CAMKMT: variants seen among roughly 807,000 people sequenced by gnomAD.
CAMKMT encodes the protein calmodulin-lysine N-methyltransferase.
Under a neutral mutation model 48.0 loss-of-function variants are expected in CAMKMT, and 53 were observed. The ratio of observed to expected loss-of-function variants is 1.10; its 90% confidence interval spans 0.89 to 1.39. CAMKMT has a LOEUF of 1.39. Among genes scored for constraint, CAMKMT ranks in the 40% most tolerant of loss-of-function variants. The pLI is 0.00. For missense variants in CAMKMT, 428 were observed against 402.7 expected (o/e 1.06, Z -0.54); for synonymous variants, 165 against 152.3 (o/e 1.08, Z -0.61).
intron 3 of CAMKMT, among the ~76,000 whole-genome samples, chr2:44,485,001 T>C (rs1669148984): frequency 6.6e-6 from 1 of 152,004 alleles, no homozygotes; most frequent in Non-Finnish European, 1.5e-5. Flanking sequence ...TAAATACAAA[T>C]TGAAACCAAA....
chr2:44,642,190 T>C (rs142703649), intron 3 of CAMKMT, among the ~76,000 whole-genome samples: 3 of 152,248 alleles, frequency 2.0e-5, no homozygotes, highest in Non-Finnish European at 4.4e-5. Flanking sequence ...TTTACCTTTG[T>C]TGGCTAAAAG....
chr2:44,725,985 C>G (rs993133814), intron 7 of CAMKMT, among the ~76,000 whole-genome samples: 4 of 152,164 alleles, frequency 2.6e-5, no homozygotes, highest in African/African-American at 9.7e-5. Flanking sequence ...TTTTTTAAAA[C>G]TGCCCCCCAC....
chr2:44,448,459 G>C (rs1410203618), intron 3 of CAMKMT, among the ~76,000 whole-genome samples: 1 of 152,128 alleles, frequency 6.6e-6, no homozygotes, highest in Non-Finnish European at 1.5e-5. Context: ...TGTACACCCA[G>C]GTATAAGATT....
At chr2:44,686,141 C>G (rs763378878) in intron 3 of CAMKMT, among the ~76,000 whole-genome samples, 1 of 152,148 alleles carries the variant, frequency 6.6e-6, no homozygotes, top group Non-Finnish European at 1.5e-5. Flanking sequence ...CGCCTGTAAT[C>G]CCAGCACTTT....
At chr2:44,385,249 A>G (rs981772200) in intron 2 of CAMKMT, among the ~76,000 whole-genome samples, 2 of 152,020 alleles carry the variant, frequency 1.3e-5, no homozygotes, top group African/African-American at 4.8e-5. Context: ...AGCTGTTGCA[A>G]AAAGGGTTGA....
intron 3 of CAMKMT, among the ~76,000 whole-genome samples, chr2:44,541,435 T>G (rs1667100963): frequency 6.6e-6 from 1 of 152,200 alleles, no homozygotes; most frequent in African/African-American, 2.4e-5. Context: ...TTTATCTATA[T>G]TTTATTATCT....
chr2:44,543,633 C>T (rs537076836), intron 3 of CAMKMT, among the ~76,000 whole-genome samples: 1 of 152,146 alleles, frequency 6.6e-6, no homozygotes, highest in Non-Finnish European at 1.5e-5. Flanking sequence ...CCCTATTTTT[C>T]TTATAAGCCA....
intron 10 of CAMKMT, among the ~76,000 whole-genome samples, chr2:44,768,001 C>T (rs955315495): frequency 1.6e-4 from 24 of 152,146 alleles, no homozygotes; most frequent in African/African-American, 5.8e-4. Context: ...TGATACCCTC[C>T]GTCTCCTCCC....
At chr2:44,708,723 C>T (rs1479477219) in intron 6 of CAMKMT, among the ~76,000 whole-genome samples, 1 of 151,962 alleles carries the variant, frequency 6.6e-6, no homozygotes, top group Admixed American at 6.6e-5. Context: ...TGCATGTATC[C>T]ATGTATCATT....
intron 1 of CAMKMT, among the ~76,000 whole-genome samples, chr2:44,366,245 A>G (rs564249343): frequency 1.4e-4 from 22 of 152,364 alleles, no homozygotes; most frequent in African/African-American, 5.0e-4. Flanking sequence ...TAAGTAGAAT[A>G]AAAAGGTTTG....
chr2:44,383,199 CTG>C (rs1680431899), intron 2 of CAMKMT, among the ~76,000 whole-genome samples: 1 of 151,922 alleles, frequency 6.6e-6, no homozygotes, highest in African/African-American at 2.4e-5. Context: ...GAATCTCGCT[CTG>C]TCACCCAGGC....
intron 3 of CAMKMT, among the ~76,000 whole-genome samples, chr2:44,506,927 CTA>C (rs753271244): frequency 3.3e-5 from 5 of 152,074 alleles, no homozygotes; most frequent in Non-Finnish European, 7.4e-5. Flanking sequence ...ATAAAAATGA[CTA>C]TGTGACGGAA....
chr2:44,363,142 A>C (rs1324977044), intron 1 of CAMKMT, among the ~76,000 whole-genome samples: 1 of 152,180 alleles, frequency 6.6e-6, no homozygotes, highest in African/African-American at 2.4e-5. Flanking sequence ...TTATGAGTTA[A>C]GTAGATCATC....
At chr2:44,490,985 A>G (rs1669471391) in intron 3 of CAMKMT, among the ~76,000 whole-genome samples, 1 of 152,046 alleles carries the variant, frequency 6.6e-6, no homozygotes, top group African/African-American at 2.4e-5. Flanking sequence ...CCTTGTCTCT[A>G]CAAAAAATAC....
intron 3 of CAMKMT, among the ~76,000 whole-genome samples, chr2:44,560,627 C>T (rs952292610): frequency 6.6e-6 from 1 of 152,180 alleles, no homozygotes; most frequent in Non-Finnish European, 1.5e-5. Context: ...AAAAAGCATG[C>T]TCTCATTTAT....
chr2:44,579,342 G>A lies in CAMKMT; in HGVS notation c.377-124941G>A, dbSNP rs148364063. Reference sequence around the variant, plus strand: ...CCAACATGGAAGCCCAGTAATTCATGCGCTGGTGTAATGGAGCAAATGAAA... The same window carrying A: ...CCAACATGGAAGCCCAGTAATTCATACGCTGGTGTAATGGAGCAAATGAAA... On this transcript the variant is annotated intron_variant, in intron 3 of 10. Coordinates refer to ENST00000378494, the MANE Select transcript of CAMKMT (RefSeq NM_024766.5). Among the ~76,000 whole-genome samples, 7 of 152,166 alleles carry A rather than the reference G, an allele frequency of 4.6e-5. No homozygotes were observed. In the East Asian group the frequency reaches 1.4e-3, roughly 29 times the overall value.
intron 3 of CAMKMT, among the ~76,000 whole-genome samples, chr2:44,698,015 A>C (rs146461714): frequency 6.6e-6 from 1 of 151,888 alleles, no homozygotes; most frequent in African/African-American, 2.4e-5. Context: ...TCTTTAAACT[A>C]TGTGTCTCTA....
chr2:44,362,023 G>C lies in CAMKMT; in HGVS notation c.16G>C (p.Ala6Pro). The change falls in exon 1 of 11, where the codon GCG (alanine) becomes CCG (proline). Residue 6 changes from alanine (A) to proline (P), a missense_variant. Coordinates refer to ENST00000378494, the MANE Select transcript of CAMKMT (RefSeq NM_024766.5). MESRV[A>P]DAGTGETARA... is the part of the protein sequence containing the mutation. ...CTCCAGTGAGATGGAGTCGCGAGTC[G>C]CGGACGCTGGGACCGGCGAGACCGC... 7.1e-7 allele frequency: 1 copy of C among 1,415,090 alleles called. No individual in the cohort carries two copies. The highest frequency in any genetic ancestry group is 9.2e-7 in the Non-Finnish European group (1 of 1,089,890). The allele number at this position is 1,415,090 out of a possible 1,614,324, so 87.7% of individuals were successfully genotyped here.
At position 44,733,271 on chromosome 2, in the gene CAMKMT, A is replaced by G. The variant is rs540789639; in HGVS notation, c.624-10351A>G. 1.2e-4 allele frequency among the ~76,000 whole-genome samples: 18 copies of G among 152,314 alleles called. 1 individual carries two copies. The highest frequency in any genetic ancestry group is 4.3e-4 in the African/African-American group (18 of 41,580). Reference sequence around the variant, plus strand: ...AAGTGTTTCATATTTTTATGCTATTATAAACAGAATGGTTTTTTAATGCTG... The same window carrying G: ...AAGTGTTTCATATTTTTATGCTATTGTAAACAGAATGGTTTTTTAATGCTG... On this transcript the variant is annotated intron_variant, in intron 7 of 10. Transcript: ENST00000378494.
Sources: gnomAD v4.1 joint callset for allele counts (sites outside exome capture counted in the v4.1 genomes callset) on GRCh38, gnomAD v4.1.1 for gene constraint, MANE v1.5 for transcripts, NCBI Gene and HGNC (gene_info 2026-07-23, HGNC 2026-07-21) for gene names.